The following TTPAL variants were observed in gnomAD, a reference collection of about 807,000 sequenced individuals.
TTPAL encodes alpha-tocopherol transfer protein-like.
In TTPAL, 21 loss-of-function variants were observed where a neutral mutation model predicts 28.7. The observed-to-expected ratio is 0.73, with a 90% CI of 0.52 to 1.06. The LOEUF (loss-of-function observed/expected upper bound fraction) is 1.06. TTPAL is among the 50% of genes least tolerant of loss of function. TTPAL has a pLI of 0.00. For missense variants in TTPAL, 345 were observed against 425.5 expected (o/e 0.81, Z 1.67); for synonymous variants, 169 against 171.9 (o/e 0.98, Z 0.13).
At chr20:44,481,581 T>A (rs1056136947) in intron 2 of TTPAL, among the ~76,000 whole-genome samples, 2 of 152,176 alleles carry the variant, frequency 1.3e-5, no homozygotes, top group Non-Finnish European at 2.9e-5. Flanking sequence ...GAAAGTAAGA[T>A]GCAATGTTCT....
At chr20:44,484,600 TG>T in intron 3 of TTPAL, 70 bp downstream of exon 3, 1 of 1,236,520 alleles carries the variant, frequency 8.1e-7, no homozygotes, top group South Asian at 1.6e-5. Flanking sequence ...CCATTTACTG[TG>T]GGTCTCACAT....
At chr20:44,478,825 T>C (rs2064071020) in intron 1 of TTPAL, among the ~76,000 whole-genome samples, 1 of 152,258 alleles carries the variant, frequency 6.6e-6, no homozygotes, top group Non-Finnish European at 1.5e-5. Flanking sequence ...GGAGTCTTGC[T>C]CTGTCACCCA....
rs2064221952 is a variant in TTPAL, at chr20:44,493,041, G to C, written c.*3500G>C. The C allele has an allele frequency of 1.3e-5, 2 of 152,306 alleles. No individual in the cohort carries two copies. Among genetic ancestry groups the C allele is most frequent in the East Asian group, 3.8e-4 (2 of 5,322 alleles). The allele number at this position is 152,306 out of a possible 1,614,324, so 9.4% of individuals were successfully genotyped here. On this transcript the variant is annotated 3_prime_UTR_variant, in exon 5 of 5. Transcript: ENST00000262605. ...CTCACACCTGTAATCCCAACACTTT[G>C]AGCGGCTGAGGTGGGTGTATCACCT...
chr20:44,480,488 T>C lies in TTPAL; in HGVS notation c.445+44T>C, dbSNP rs752571796. 2.8e-5 allele frequency: 43 copies of C among 1,520,652 alleles called. No individual in the cohort carries two copies. In the Middle Eastern group the frequency reaches 7.0e-4, roughly 25 times the overall value. The allele number at this position is 1,520,652 out of a possible 1,614,324, so 94.2% of individuals were successfully genotyped here. On this transcript the variant is annotated intron_variant, in intron 2 of 4. Transcript: ENST00000262605. This position sits in a 1 kb window ranked among gnomAD's most constrained non-coding sequence, Gnocchi z 4.1. ...GTGGGGTGTGTGTGTCCAGTCCTTCTGCAGTGTGTCCATTCAGCACCCTGT... is the reference window on the plus strand; with the variant it reads ...GTGGGGTGTGTGTGTCCAGTCCTTCCGCAGTGTGTCCATTCAGCACCCTGT...
At chr20:44,476,498 A>G (rs992115750) in intron 1 of TTPAL, among the ~76,000 whole-genome samples, 7 of 152,206 alleles carry the variant, frequency 4.6e-5, no homozygotes, top group African/African-American at 1.7e-4. Context: ...CGAATCGCTT[A>G]ACCTATATCC....
rs770690759 is a variant in TTPAL at position 44,490,474 on chromosome 20, A to G, written c.*933A>G. 1 of 152,214 alleles carries G rather than the reference A, an allele frequency of 6.6e-6. No individual in the cohort carries two copies. The highest frequency in any genetic ancestry group is 1.5e-5 in the Non-Finnish European group (1 of 68,028). 9.4% of individuals were successfully genotyped at this position (152,214 alleles called of 1,614,324 possible). On this transcript the variant is annotated 3_prime_UTR_variant, in exon 5 of 5. Transcript: ENST00000262605. ...ATTTGGTTTAGTTACTGAATGTTAG[A>G]TTTTCTGCCTAGAAAGATAACTATC... is the stretch of plus-strand genomic sequence containing the variant.
At chr20:44,482,589 A>G (rs908109373) in intron 2 of TTPAL, among the ~76,000 whole-genome samples, 4 of 151,932 alleles carry the variant, frequency 2.6e-5, no homozygotes, top group Admixed American at 2.0e-4. Context: ...AAAAAAAAAA[A>G]AAGTTTTTTG....
rs2064190203 is a variant in TTPAL at position 44,490,017 on chromosome 20, C to T, written c.*476C>T. On this transcript the variant is annotated 3_prime_UTR_variant, in exon 5 of 5. Transcript: ENST00000262605. ...GGAGTTTGTGTTTTTCACAGGAACCCTAAGTATAGACCTCTGCTGCTCATC... is the reference window on the plus strand; with the variant it reads ...GGAGTTTGTGTTTTTCACAGGAACCTTAAGTATAGACCTCTGCTGCTCATC... 5.7e-6 allele frequency: 1 copy of T among 174,094 alleles called. No individual in the cohort carries two copies. The highest frequency in any genetic ancestry group is 1.3e-4 in the South Asian group (1 of 7,880). 10.8% of individuals were successfully genotyped at this position (174,094 alleles called of 1,614,324 possible).
intron 2 of TTPAL, 31 bp from the exon 3 acceptor site, chr20:44,484,306 G>GT: frequency 1.4e-6 from 2 of 1,404,144 alleles, no homozygotes; most frequent in Non-Finnish European, 1.9e-6. Flanking sequence ...ATTAACTTCT[G>GT]TAACATACTG....
chr20:44,480,960 G>A lies in TTPAL; in HGVS notation c.445+516G>A, dbSNP rs1456046527. 2.0e-5 allele frequency among the ~76,000 whole-genome samples: 3 copies of A among 152,130 alleles called. No homozygotes were observed. Among genetic ancestry groups the A allele is most frequent in the Non-Finnish European group, 2.9e-5 (2 of 68,026 alleles). ...GGTGGGGCCTAAGAATCTGCCCCTG[G>A]CCATAGGATACAAGCATGACTGCCA... On this transcript the variant is annotated intron_variant, in intron 2 of 4. Transcript: ENST00000262605. The surrounding 1 kb of genome is among the most constrained non-coding windows in gnomAD (Gnocchi z 4.1).
At chr20:44,478,521 C>T (rs893563868) in intron 1 of TTPAL, 1 of 152,360 alleles carries the variant, frequency 6.6e-6, no homozygotes, top group East Asian at 1.9e-4. Flanking sequence ...ATCTGACCGG[C>T]ACATATTCCC....
intron 1 of TTPAL, 35 bp from the exon 2 acceptor site, chr20:44,479,950 C>G: frequency 1.3e-6 from 2 of 1,557,070 alleles, no homozygotes; most frequent in Non-Finnish European, 1.8e-6. Context: ...GAAATAAGCA[C>G]TTGTTAACTT....
chr20:44,493,564 AT>A lies in TTPAL; in HGVS notation c.*4026del, dbSNP rs890321489. The A allele has an allele frequency of 6.6e-6, 1 of 152,328 alleles. No individual in the cohort carries two copies. The highest frequency in any genetic ancestry group is 1.5e-5 in the Non-Finnish European group (1 of 68,030). 9.4% of individuals were successfully genotyped at this position (152,328 alleles called of 1,614,324 possible). On this transcript the variant is annotated 3_prime_UTR_variant, in exon 5 of 5. Transcript: ENST00000262605. ...AGGTTTTCCTTTGAAGCCTCCTTTA[AT>A]TTAGGGAGTAAAATGTTAGCTAAAC...
chr20:44,485,809 G>A (rs2064146599), intron 3 of TTPAL: 1 of 152,190 alleles, frequency 6.6e-6, no homozygotes, highest in African/African-American at 2.4e-5. Context: ...ATGCTGTATA[G>A]CATGTCCCTT....
Position 44,491,162 on chromosome 20 carries a change from G to GC in TTPAL, c.*1627dup, listed in dbSNP as rs1022130513. On this transcript the variant is annotated 3_prime_UTR_variant, in exon 5 of 5. Coordinates refer to ENST00000262605, the MANE Select transcript of TTPAL (RefSeq NM_001039199.3). ...CAGGTTATTCCTGGGTCACTTCTGG[G>GC]CCCCCCTGCCCTCCCAGCCCCACTT... 16 of 151,152 alleles carry GC rather than the reference G, an allele frequency of 1.1e-4. No individual in the cohort carries two copies. Among genetic ancestry groups the GC allele is most frequent in the African/African-American group, 3.7e-4 (15 of 41,066 alleles). The allele number at this position is 151,152 out of a possible 1,614,324, so 9.4% of individuals were successfully genotyped here.
At chr20:44,478,111 CCTGT>C (rs1212834992) in intron 1 of TTPAL, among the ~76,000 whole-genome samples, 4 of 152,100 alleles carry the variant, frequency 2.6e-5, no homozygotes, top group Non-Finnish European at 5.9e-5. Flanking sequence ...AGAGCAAGAC[CCTGT>C]CTCTCTCTTA....
At chr20:44,478,375 A>C (rs554885070) in intron 1 of TTPAL, among the ~76,000 whole-genome samples, 2 of 152,352 alleles carry the variant, frequency 1.3e-5, no homozygotes, top group East Asian at 3.9e-4. Flanking sequence ...CTGTTAGAGG[A>C]GTCCTATGTC....
chr20:44,486,479 A>AG, intron 3 of TTPAL, 117 bp from the exon 4 acceptor site: 4 of 659,434 alleles, frequency 6.1e-6, no homozygotes, highest in Middle Eastern at 2.6e-4. Flanking sequence ...GTCATTGAGG[A>AG]GGCCATAAGG....
intron 1 of TTPAL, among the ~76,000 whole-genome samples, chr20:44,478,951 G>A (rs891639566): frequency 6.6e-6 from 1 of 152,008 alleles, no homozygotes; most frequent in Non-Finnish European, 1.5e-5. Flanking sequence ...CACCACGCCC[G>A]GCTAATTTTT....
Sources: allele counts gnomAD v4.1 joint callset (sites outside exome capture counted in the v4.1 genomes callset), GRCh38; gene constraint gnomAD v4.1.1; non-coding constraint Gnocchi (gnomAD v3.1); transcripts MANE v1.5; gene names NCBI Gene and HGNC (gene_info 2026-07-23, HGNC 2026-07-21).